The following TRAPPC9 variants were observed in gnomAD, a reference collection of about 807,000 sequenced individuals.
TRAPPC9 encodes IKK2 binding protein.
TRAPPC9 carries 83 observed loss-of-function variants against 124.0 expected under a neutral mutation model. The ratio of observed to expected loss-of-function variants is 0.67; its 90% CI spans 0.56 to 0.80. The LOEUF (loss-of-function observed/expected upper bound fraction) is 0.80, where lower values mean the gene tolerates loss of function less well. Ranked by LOEUF, TRAPPC9 falls within the 30% of genes least tolerant of loss-of-function variation. The pLI is 0.00. For missense variants in TRAPPC9, 1,302 were observed against 1,508.3 expected (o/e 0.86, Z 2.27); for synonymous variants, 638 against 617.5 (o/e 1.03, Z -0.49).
chr8:140,266,395 G>A (rs1209541845), intron 15 of TRAPPC9, among the ~76,000 whole-genome samples: 1 of 151,692 alleles, frequency 6.6e-6, no homozygotes, highest in African/African-American at 2.4e-5. Context: ...CCTGGGAGGT[G>A]GAGGTTGCAG....
At chr8:140,349,366 CG>C (rs2067466723) in intron 9 of TRAPPC9, among the ~76,000 whole-genome samples, 1 of 86,902 alleles carries the variant, frequency 1.2e-5, no homozygotes, top group African/African-American at 4.4e-5. Context: ...GGGAAGGGCG[CG>C]CGAGGGAAGG....
intron 17 of TRAPPC9, among the ~76,000 whole-genome samples, chr8:140,190,679 G>A (rs746117718): frequency 1.1e-4 from 16 of 152,166 alleles, no homozygotes; most frequent in Admixed American, 3.9e-4. Flanking sequence ...AAAGCTGTGC[G>A]GAAGAACAAA....
chr8:140,225,567 C>T (rs568936901), intron 16 of TRAPPC9, among the ~76,000 whole-genome samples: 29 of 152,338 alleles, frequency 1.9e-4, no homozygotes, highest in African/African-American at 7.0e-4. Context: ...ATAATGCCTG[C>T]TGTGAAGGGT....
chr8:140,072,599 G>GAGGAGGAGGAGGAGAAGGGA (rs1226577647), intron 17 of TRAPPC9, among the ~76,000 whole-genome samples: 1,072 of 34,386 alleles, frequency 0.031, 16 homozygotes, highest in African/African-American at 0.082. Flanking sequence ...AGGGAAGGAG[G>GAGGAGGAGGAGGAGAAGGGA]AGGAGGAGGA....
At chr8:140,173,461 G>A (rs2062004621) in intron 17 of TRAPPC9, among the ~76,000 whole-genome samples, 1 of 151,746 alleles carries the variant, frequency 6.6e-6, no homozygotes, top group Non-Finnish European at 1.5e-5. Context: ...GGCTGAGGCA[G>A]GAGAATGGCG....
At chr8:140,446,326 T>A (rs1048136800) in intron 2 of TRAPPC9, among the ~76,000 whole-genome samples, 1 of 149,124 alleles carries the variant, frequency 6.7e-6, no homozygotes, top group Non-Finnish European at 1.5e-5. Context: ...GACACAGTTA[T>A]TTCTATGTCT....
At chr8:139,893,631 G>C (rs1830484669) in intron 20 of TRAPPC9, among the ~76,000 whole-genome samples, 1 of 152,246 alleles carries the variant, frequency 6.6e-6, no homozygotes, top group African/African-American at 2.4e-5. Context: ...CATGAATGTA[G>C]GCATAAAGAA....
intron 21 of TRAPPC9, among the ~76,000 whole-genome samples, chr8:139,827,988 AC>A (rs1825749950): frequency 6.6e-6 from 1 of 152,126 alleles, no homozygotes; most frequent in African/African-American, 2.4e-5. Context: ...CTCACTCATC[AC>A]TGAGGGAAAG....
intron 9 of TRAPPC9, among the ~76,000 whole-genome samples, chr8:140,350,368 G>C (rs928346056): frequency 1.3e-5 from 2 of 152,152 alleles, no homozygotes; most frequent in African/African-American, 4.8e-5. Context: ...GGCCACCCCA[G>C]GCAAGTCCCA....
intron 17 of TRAPPC9, among the ~76,000 whole-genome samples, chr8:140,121,560 A>G (rs1250165483): frequency 6.6e-6 from 1 of 152,200 alleles, no homozygotes; most frequent in African/African-American, 2.4e-5. Context: ...AGCAGCAGCA[A>G]CAGAAGCCCC....
intron 17 of TRAPPC9, among the ~76,000 whole-genome samples, chr8:140,200,152 A>G (rs2062754725): frequency 6.6e-6 from 1 of 152,238 alleles, no homozygotes. Flanking sequence ...CAGGAAAGCT[A>G]GAATGAGCCC....
chr8:139,926,457 T>C (rs928708405), intron 19 of TRAPPC9, among the ~76,000 whole-genome samples: 3 of 152,148 alleles, frequency 2.0e-5, no homozygotes, highest in Non-Finnish European at 4.4e-5. Flanking sequence ...CAAGACAGTC[T>C]TTAAAGCAGC....
intron 15 of TRAPPC9, among the ~76,000 whole-genome samples, chr8:140,256,572 T>C (rs761434539): frequency 2.0e-5 from 3 of 152,178 alleles, no homozygotes; most frequent in African/African-American, 4.8e-5. Flanking sequence ...TGCCATTCTA[T>C]GTGTATTCTG....
Position 140,276,626 on chromosome 8 carries a change from G to T in TRAPPC9, c.2115-805C>A, listed in dbSNP as rs1057134187. On this transcript the variant is annotated intron_variant, in intron 14 of 22. Transcript: ENST00000438773. The stretch of plus-strand genomic sequence containing the variant: ...TTGCATCCTTCCCAATCCACAGGCT[G>T]CAAACAGTGGGTTGGGAAGGAGGTC... 2.0e-5 allele frequency among the ~76,000 whole-genome samples: 3 copies of T among 152,188 alleles called. No individual in the cohort carries two copies. The South Asian group carries it at 6.2e-4, about 32-fold the overall frequency.
chr8:140,173,803 T>C (rs2062011979), intron 17 of TRAPPC9, among the ~76,000 whole-genome samples: 1 of 152,176 alleles, frequency 6.6e-6, no homozygotes, highest in Non-Finnish European at 1.5e-5. Flanking sequence ...TACGGAAATA[T>C]CAGAGACAGC....
chr8:140,254,541 A>T (rs2064202834), intron 15 of TRAPPC9, among the ~76,000 whole-genome samples: 1 of 152,160 alleles, frequency 6.6e-6, no homozygotes, highest in African/African-American at 2.4e-5. Flanking sequence ...CCCACATGGT[A>T]GAACAAGAAA....
chr8:140,208,862 AC>A (rs2062990019), intron 17 of TRAPPC9, among the ~76,000 whole-genome samples: 1 of 152,242 alleles, frequency 6.6e-6, no homozygotes, highest in South Asian at 2.1e-4. Flanking sequence ...CAACAAAAAC[AC>A]AGTATTGGTG....
At chr8:139,857,372 G>A (rs902786794) in intron 21 of TRAPPC9, among the ~76,000 whole-genome samples, 3 of 152,182 alleles carry the variant, frequency 2.0e-5, no homozygotes, top group Non-Finnish European at 4.4e-5. Context: ...CAGTGTGCTC[G>A]CTGACAATCT....
chr8:140,053,418 G>T (rs959642276), intron 17 of TRAPPC9, among the ~76,000 whole-genome samples: 1 of 152,232 alleles, frequency 6.6e-6, no homozygotes, highest in African/African-American at 2.4e-5. Flanking sequence ...CTGGGTTGGA[G>T]AAGATACTTG....
Sources: gnomAD v4.1 joint callset for allele counts (sites outside exome capture counted in the v4.1 genomes callset) on GRCh38, gnomAD v4.1.1 for gene constraint, MANE v1.5 for transcripts, NCBI Gene and HGNC (gene_info 2026-07-23, HGNC 2026-07-21) for gene names.